The following EPB41L1 variants were observed in gnomAD, a reference collection of about 807,000 sequenced individuals.
EPB41L1 encodes erythrocyte membrane protein band 4.1 like 1.
A neutral mutation model predicts 97.8 loss-of-function variants in EPB41L1; 29 were observed. That is an observed-to-expected ratio of 0.30 (90% confidence interval 0.22 to 0.40). The LOEUF (loss-of-function observed/expected upper bound fraction) is 0.40. Ranked by LOEUF, EPB41L1 falls within the 10% of genes least tolerant of loss-of-function variation. The pLI is 1.00. For synonymous variants in EPB41L1, 383 were observed against 459.2 expected, an observed-to-expected ratio of 0.83 and a Z score of 2.12; for missense variants, 812 against 1,162.3, an observed-to-expected ratio of 0.70 and a Z score of 4.38.
At chr20:36,096,737 C>G (rs896892535) in intron 1 of EPB41L1, among the ~76,000 whole-genome samples, 2 of 152,240 alleles carry the variant, frequency 1.3e-5, no homozygotes, top group African/African-American at 4.8e-5. Flanking sequence ...TGTCCCTTTA[C>G]TAGACTGTAA....
chr20:36,204,471 C>CTTTT (rs765673962), intron 14 of EPB41L1, among the ~76,000 whole-genome samples: 8 of 90,600 alleles, frequency 8.8e-5, no homozygotes, highest in African/African-American at 1.7e-4. Context: ...CGATCTGGTG[C>CTTTT]TTTTTTTTTT....
At chr20:36,126,040 G>T (rs191269288) in intron 2 of EPB41L1, among the ~76,000 whole-genome samples, 1 of 152,250 alleles carries the variant, frequency 6.6e-6, no homozygotes, top group Non-Finnish European at 1.5e-5. Flanking sequence ...TTATAAAACC[G>T]AAAGTATGGA....
intron 8 of EPB41L1, 44 bp downstream of exon 8, chr20:36,187,807 C>G (rs761437051): frequency 1.3e-6 from 2 of 1,563,936 alleles, no homozygotes; most frequent in Non-Finnish European, 8.8e-7. Context: ...GGGTGGTGCC[C>G]CCAAAGAACT....
At chr20:36,119,760 G>C (rs889971388) in intron 2 of EPB41L1, among the ~76,000 whole-genome samples, 2 of 152,098 alleles carry the variant, frequency 1.3e-5, no homozygotes, top group Admixed American at 1.3e-4. Flanking sequence ...CCTGTGATGA[G>C]ATTAGGGCTG....
intron 2 of EPB41L1, among the ~76,000 whole-genome samples, chr20:36,149,052 G>T (rs2059943705): frequency 6.6e-6 from 1 of 152,212 alleles, no homozygotes; most frequent in Non-Finnish European, 1.5e-5. Flanking sequence ...CATCTGAGGT[G>T]CAGAAGGGAG....
At chr20:36,134,127 G>A (rs894609595) in intron 2 of EPB41L1, among the ~76,000 whole-genome samples, 16 of 152,142 alleles carry the variant, frequency 1.1e-4, no homozygotes, top group Admixed American at 2.6e-4. Context: ...AGGAAGTGGC[G>A]GGGCTGGGAT....
rs564352504 is a variant in EPB41L1 at position 36,192,783 on chromosome 20, A to G, written c.1301-1429A>G. Reference sequence around the variant, plus strand: ...ATTTGTTGTGGTTCAAGCAATGGGAAAAGCATGTGTAGAATGTAGAGTAGC... The same window carrying G: ...ATTTGTTGTGGTTCAAGCAATGGGAGAAGCATGTGTAGAATGTAGAGTAGC... On this transcript the variant is annotated intron_variant, in intron 11 of 21. Transcript: ENST00000338074. 2.0e-5 allele frequency among the ~76,000 whole-genome samples: 3 copies of G among 152,284 alleles called. No homozygotes were observed. The South Asian group carries it at 6.2e-4, about 32-fold the overall frequency.
rs558609695 is a variant in EPB41L1 at position 36,133,444 on chromosome 20, G to A, written c.-10+20964G>A. ...TCAGATCTGTTGTCTGTGATACAGG[G>A]CCCTGGCCAGCTTAACACTCCATGA... On this transcript the variant is annotated intron_variant, in intron 2 of 19. Transcript: ENST00000202028. 1.7e-3 allele frequency among the ~76,000 whole-genome samples: 255 copies of A among 152,336 alleles called. 1 individual carries two copies. Among genetic ancestry groups the A allele is most frequent in the African/African-American group, 5.9e-3 (245 of 41,572 alleles).
chr20:36,172,485 C>G (rs1192119583), intron 1 of EPB41L1, among the ~76,000 whole-genome samples: 1 of 152,256 alleles, frequency 6.6e-6, no homozygotes, highest in East Asian at 1.9e-4. Context: ...TTTCATTTTC[C>G]TTTACCCACT....
chr20:36,217,024 T>C (rs944925976), intron 17 of EPB41L1, among the ~76,000 whole-genome samples: 5 of 152,310 alleles, frequency 3.3e-5, no homozygotes, highest in Non-Finnish European at 7.4e-5. Flanking sequence ...TCGGAAACTC[T>C]AGGGTGGGGC....
intron 3 of EPB41L1, among the ~76,000 whole-genome samples, chr20:36,177,087 C>CCT (rs1482605592): frequency 6.6e-6 from 1 of 152,148 alleles, no homozygotes; most frequent in African/African-American, 2.4e-5. Context: ...GAGGCTAGGT[C>CCT]CTCTCTCTCT....
At position 36,092,633 on chromosome 20, in the gene EPB41L1, G is replaced by A. The variant is rs1162018672; in HGVS notation, c.-65+1021G>A. On this transcript the variant is annotated intron_variant, in intron 1 of 19. Transcript: ENST00000202028. This position sits in a 1 kb window ranked among gnomAD's most constrained non-coding sequence, Gnocchi z 7.0. ...GCCGGGGCGGGGCGGAGCGGCGAGAGGGGGTGTGGGGGGCGGGCGAGGAGG... is the reference window on the plus strand; with the variant it reads ...GCCGGGGCGGGGCGGAGCGGCGAGAAGGGGTGTGGGGGGCGGGCGAGGAGG... The A allele has an allele frequency of 6.6e-6, 1 of 151,742 alleles. No individual in the cohort carries two copies. Among genetic ancestry groups the A allele is most frequent in the Non-Finnish European group, 1.5e-5 (1 of 67,902 alleles). The allele number at this position is 151,742 out of a possible 1,614,324, so 9.4% of individuals were successfully genotyped here.
At chr20:36,174,263 A>T (rs2061125245) in intron 2 of EPB41L1, among the ~76,000 whole-genome samples, 1 of 148,428 alleles carries the variant, frequency 6.7e-6, no homozygotes. Flanking sequence ...AATTGTTTTA[A>T]CTTTCTTTTT....
chr20:36,163,797 A>C (rs1247238643), intron 1 of EPB41L1, among the ~76,000 whole-genome samples: 1 of 152,066 alleles, frequency 6.6e-6, no homozygotes, highest in Non-Finnish European at 1.5e-5. Context: ...AGAGAGAGAA[A>C]TTGGGGAAGA....
At chr20:36,172,474 C>T (rs546333639) in intron 1 of EPB41L1, among the ~76,000 whole-genome samples, 1 of 152,362 alleles carries the variant, frequency 6.6e-6, no homozygotes, top group Admixed American at 6.5e-5. Flanking sequence ...CCAGGGATCT[C>T]TTTCATTTTC....
intron 14 of EPB41L1, chr20:36,201,083 C>A: frequency 2.4e-6 from 1 of 408,902 alleles, no homozygotes; most frequent in Admixed American, 2.7e-5. Flanking sequence ...GTACCAGATT[C>A]TGCCAAGCAG....
chr20:36,095,479 T>G (rs556140830), intron 1 of EPB41L1, among the ~76,000 whole-genome samples: 1 of 152,320 alleles, frequency 6.6e-6, no homozygotes, highest in East Asian at 1.9e-4. Context: ...TTATTAAGCT[T>G]CTTTATGTGA....
At chr20:36,126,721 T>G (rs1434959433) in intron 2 of EPB41L1, among the ~76,000 whole-genome samples, 1 of 152,232 alleles carries the variant, frequency 6.6e-6, no homozygotes, top group African/African-American at 2.4e-5. Context: ...AGGCAACTTT[T>G]CAAGAGTGGT....
Position 36,195,508 on chromosome 20 carries a change from C to G in EPB41L1, c.1485+144C>G. On this transcript the variant is annotated intron_variant, in intron 13 of 21. Transcript: ENST00000338074. The surrounding 1 kb of genome is among the most constrained non-coding windows in gnomAD (Gnocchi z 4.6). ...TCTGCTCCCCAGCCATCCCCCTCTGCAGCCGTCCTTGCTCCCCACTCCGCC... is the reference window on the plus strand; with the variant it reads ...TCTGCTCCCCAGCCATCCCCCTCTGGAGCCGTCCTTGCTCCCCACTCCGCC... The G allele has an allele frequency of 1.0e-6, 1 of 987,992 alleles. No homozygotes were observed. The highest frequency in any genetic ancestry group is 1.6e-6 in the Non-Finnish European group (1 of 638,998). 61.2% of individuals were successfully genotyped at this position (987,992 alleles called of 1,614,324 possible). A position where few individuals can be genotyped will look rare whatever the true frequency, so the allele number is the denominator to read the frequency against.
Sources: gnomAD v4.1 joint callset for allele counts (sites outside exome capture counted in the v4.1 genomes callset) on GRCh38, gnomAD v4.1.1 for gene constraint, Gnocchi (gnomAD v3.1) non-coding constraint, MANE v1.5 for transcripts, NCBI Gene and HGNC (gene_info 2026-07-23, HGNC 2026-07-21) for gene names.